Variants in WDR72 observed in about 807,000 individuals in gnomAD.
The protein encoded by WDR72 is WD repeat domain 72, also known as WD repeat-containing protein 72.
A neutral mutation model predicts 124.2 loss-of-function variants in WDR72; 120 were observed. That is an observed-to-expected ratio of 0.97 (90% CI 0.83 to 1.12). The LOEUF is 1.12. Among genes scored for constraint, WDR72 ranks in the 50% most tolerant of loss-of-function variants. The pLI is 0.00. For synonymous variants in WDR72, 452 were observed against 441.7 expected (o/e 1.02, Z -0.29); for missense variants, 1,387 against 1,278.8 (o/e 1.08, Z -1.29).
chr15:53,721,749 T>C (rs150746961), intron 3 of WDR72, among the ~76,000 whole-genome samples: 41 of 152,304 alleles, frequency 2.7e-4, no homozygotes, highest in Admixed American at 5.2e-4. Flanking sequence ...GAGAGGCTTA[T>C]CTTGTTTCAA....
At chr15:53,737,833 T>C (rs2018400795) in intron 1 of WDR72, among the ~76,000 whole-genome samples, 1 of 152,158 alleles carries the variant, frequency 6.6e-6, no homozygotes, top group Non-Finnish European at 1.5e-5. Flanking sequence ...TTCCTGCATC[T>C]AGGAATTAAA....
chr15:53,603,068 C>T (rs2013116660), intron 17 of WDR72, among the ~76,000 whole-genome samples: 1 of 151,870 alleles, frequency 6.6e-6, no homozygotes, highest in African/African-American at 2.4e-5. Context: ...TCCTGATGAA[C>T]ATCAATGAAA....
At chr15:53,700,876 C>T (rs1315467339) in intron 12 of WDR72, among the ~76,000 whole-genome samples, 8 of 152,102 alleles carry the variant, frequency 5.3e-5, no homozygotes, top group Non-Finnish European at 1.0e-4. Context: ...GAGAACCTGC[C>T]CATCCCACGG....
chr15:53,547,195 G>A (rs908973256), intron 18 of WDR72, among the ~76,000 whole-genome samples: 1 of 152,178 alleles, frequency 6.6e-6, no homozygotes, highest in Non-Finnish European at 1.5e-5. Flanking sequence ...ATTTACCAAT[G>A]CAATTAAGCC....
chr15:53,678,811 C>T (rs769359900), intron 13 of WDR72, among the ~76,000 whole-genome samples: 15 of 152,198 alleles, frequency 9.9e-5, no homozygotes, highest in Non-Finnish European at 1.5e-4. Context: ...TGGGTATATA[C>T]CAAAATTGAC....
intron 13 of WDR72, among the ~76,000 whole-genome samples, chr15:53,683,989 T>C (rs1290978356): frequency 6.6e-6 from 1 of 152,134 alleles, no homozygotes; most frequent in Non-Finnish European, 1.5e-5. Flanking sequence ...CCAATAATAA[T>C]TTAACATTTG....
intron 18 of WDR72, among the ~76,000 whole-genome samples, chr15:53,538,094 T>C (rs1185613319): frequency 1.3e-5 from 2 of 152,220 alleles, no homozygotes; most frequent in African/African-American, 4.8e-5. Context: ...AAATAGCTTT[T>C]TTAATTTTTT....
At chr15:53,714,637 C>A in intron 5 of WDR72, 127 bp from the exon 6 acceptor site, 1 of 702,296 alleles carries the variant, frequency 1.4e-6, no homozygotes, top group East Asian at 2.7e-5. Flanking sequence ...TTTGGAGTTA[C>A]TTTTTAACTA....
At chr15:53,584,359 G>T (rs1201819441) in intron 18 of WDR72, among the ~76,000 whole-genome samples, 1 of 151,852 alleles carries the variant, frequency 6.6e-6, no homozygotes, top group African/African-American at 2.4e-5. Context: ...GATCCTAATG[G>T]GCATTTGGTG....
intron 1 of WDR72, among the ~76,000 whole-genome samples, chr15:53,753,577 G>A (rs2018825145): frequency 6.6e-6 from 1 of 152,296 alleles, no homozygotes; most frequent in Admixed American, 6.5e-5. Context: ...CATCTTTGTG[G>A]ATTTTCTGTC....
intron 14 of WDR72, among the ~76,000 whole-genome samples, chr15:53,661,177 C>CT (rs2015597294): frequency 6.6e-6 from 1 of 152,136 alleles, no homozygotes; most frequent in Non-Finnish European, 1.5e-5. Context: ...CTATCTGGTC[C>CT]TTTCTAAGCC....
At chr15:53,549,539 A>C (rs994119257) in intron 18 of WDR72, among the ~76,000 whole-genome samples, 1 of 152,182 alleles carries the variant, frequency 6.6e-6, no homozygotes, top group Non-Finnish European at 1.5e-5. Context: ...TGCCCTTTTC[A>C]CACACATAAT....
At chr15:53,543,624 A>G (rs1893277618) in intron 18 of WDR72, among the ~76,000 whole-genome samples, 1 of 151,576 alleles carries the variant, frequency 6.6e-6, no homozygotes, top group Admixed American at 6.6e-5. Flanking sequence ...AGCTAGCAGA[A>G]GGCAAGAAAT....
intron 18 of WDR72, among the ~76,000 whole-genome samples, chr15:53,546,963 G>C (rs1446872197): frequency 6.6e-6 from 1 of 152,140 alleles, no homozygotes; most frequent in African/African-American, 2.4e-5. Context: ...AGTAGAAATA[G>C]GGAAAGAAAA....
chr15:53,597,947 C>A (rs559351907), intron 17 of WDR72, among the ~76,000 whole-genome samples: 6 of 152,134 alleles, frequency 3.9e-5, no homozygotes, highest in African/African-American at 1.4e-4. Flanking sequence ...CAAGCTTACA[C>A]AGACTTGGTG....
In WDR72 at chr15:53,751,943, A is replaced by G. The variant is rs1231936776; in HGVS notation, c.-13+7690T>C. 3.9e-5 allele frequency among the ~76,000 whole-genome samples: 6 copies of G among 152,214 alleles called. No homozygotes were observed. In the East Asian group the frequency reaches 1.2e-3, roughly 29 times the overall value. On this transcript the variant is annotated intron_variant, in intron 1 of 19. Transcript: ENST00000360509. Reference sequence around the variant, plus strand: ...TGATGTGAGTAAATAATCCTTGGAAATCATTAATTAGTAAGCATTCAATAA... The same window carrying G: ...TGATGTGAGTAAATAATCCTTGGAAGTCATTAATTAGTAAGCATTCAATAA...
At chr15:53,557,473 T>C (rs1415766382) in intron 18 of WDR72, among the ~76,000 whole-genome samples, 3 of 152,028 alleles carry the variant, frequency 2.0e-5, no homozygotes, top group Admixed American at 1.3e-4. Context: ...AAAAAGATTA[T>C]AGAGTGATTG....
At chr15:53,675,764 G>C (rs1252957303) in intron 13 of WDR72, among the ~76,000 whole-genome samples, 1 of 152,118 alleles carries the variant, frequency 6.6e-6, no homozygotes, top group Non-Finnish European at 1.5e-5. Context: ...AGTTGATCTG[G>C]AATTTTTCCT....
intron 13 of WDR72, among the ~76,000 whole-genome samples, chr15:53,693,160 A>T (rs1287290445): frequency 6.6e-6 from 1 of 152,184 alleles, no homozygotes; most frequent in Non-Finnish European, 1.5e-5. Context: ...ACCAAGCAAT[A>T]TTGTTTCTGA....
Sources: allele counts gnomAD v4.1 joint callset (sites outside exome capture counted in the v4.1 genomes callset), GRCh38; gene constraint gnomAD v4.1.1; transcripts MANE v1.5; gene names NCBI Gene and HGNC (gene_info 2026-07-23, HGNC 2026-07-21).